KCNMA1: variants seen among roughly 807,000 people sequenced by gnomAD.
KCNMA1 encodes Calcium-activated potassium channel subunit alpha-1.
In KCNMA1, 29 loss-of-function variants were observed where a neutral mutation model predicts 140.0. The ratio of observed to expected loss-of-function variants is 0.21; its 90% confidence interval spans 0.15 to 0.28. The LOEUF (loss-of-function observed/expected upper bound fraction) is 0.28, where lower values mean the gene tolerates loss of function less well. Ranked by LOEUF, KCNMA1 falls within the 10% of genes least tolerant of loss-of-function variation. KCNMA1 has a pLI of 1.00. For missense variants in KCNMA1, 880 were observed against 1,602.2 expected (o/e 0.55, Z 7.70); for synonymous variants, 612 against 611.9 (o/e 1.00, Z 0.00).
chr10:76,970,111 C>A (rs1465086963), intron 19 of KCNMA1, 44 bp from the exon 20 acceptor site: 1 of 1,486,908 alleles, frequency 6.7e-7, no homozygotes, highest in East Asian at 2.3e-5. Flanking sequence ...AGTTTGAGGG[C>A]AGACTGTGCA....
chr10:77,395,237 C>A (rs898748969), intron 2 of KCNMA1, among the ~76,000 whole-genome samples: 2 of 151,994 alleles, frequency 1.3e-5, no homozygotes, highest in Non-Finnish European at 2.9e-5. Flanking sequence ...GTAATCCCAG[C>A]TATCAGGGAG....
intron 1 of KCNMA1, among the ~76,000 whole-genome samples, chr10:77,534,284 GAA>G (rs796343044): frequency 3.9e-5 from 6 of 152,156 alleles, no homozygotes; most frequent in African/African-American, 1.2e-4. Flanking sequence ...ATACCAAGTA[GAA>G]TGTAGTCATA....
At chr10:77,034,243 C>CAAAAAA (rs1187442257) in intron 15 of KCNMA1, among the ~76,000 whole-genome samples, 1 of 71,584 alleles carries the variant, frequency 1.4e-5, no homozygotes. Flanking sequence ...GACTCCATCT[C>CAAAAAA]AAAAAAAAAA....
chr10:77,383,147 TCC>T (rs1330175190), intron 2 of KCNMA1, among the ~76,000 whole-genome samples: 2 of 151,408 alleles, frequency 1.3e-5, no homozygotes, highest in Non-Finnish European at 2.9e-5. Context: ...GTCATTTCCA[TCC>T]CCCTCCCTCA....
At chr10:77,005,982 C>G (rs866109910) in intron 18 of KCNMA1, among the ~76,000 whole-genome samples, 1 of 152,190 alleles carries the variant, frequency 6.6e-6, no homozygotes, top group Non-Finnish European at 1.5e-5. Flanking sequence ...AGCTCAGTTA[C>G]TGCTCTTTCC....
chr10:77,251,750 G>A (rs539854793), intron 2 of KCNMA1, among the ~76,000 whole-genome samples: 1 of 152,258 alleles, frequency 6.6e-6, no homozygotes, highest in South Asian at 2.1e-4. Context: ...AATCTACTAA[G>A]TTATGCAATC....
chr10:77,481,661 G>A (rs1334116844), intron 1 of KCNMA1, among the ~76,000 whole-genome samples: 1 of 151,804 alleles, frequency 6.6e-6, no homozygotes, highest in African/African-American at 2.4e-5. Context: ...TGTAGTCCCA[G>A]CTACTTGGGA....
intron 25 of KCNMA1, among the ~76,000 whole-genome samples, chr10:76,894,095 T>C (rs1164459354): frequency 2.0e-5 from 3 of 152,126 alleles, no homozygotes; most frequent in South Asian, 2.1e-4. Context: ...TACAAGACTA[T>C]AGTAATCAAG....
At chr10:76,976,125 G>A (rs776452163) in intron 19 of KCNMA1, among the ~76,000 whole-genome samples, 1 of 152,124 alleles carries the variant, frequency 6.6e-6, no homozygotes, top group South Asian at 2.1e-4. Context: ...AAAATCTATC[G>A]TTATGCAGAA....
chr10:77,297,497 T>C (rs898836613), intron 2 of KCNMA1, among the ~76,000 whole-genome samples: 14 of 152,334 alleles, frequency 9.2e-5, no homozygotes, highest in Non-Finnish European at 5.9e-5. Context: ...ATGGTTGTCA[T>C]GCATGGTCCA....
At chr10:77,619,060 G>T (rs1319529457) in intron 1 of KCNMA1, among the ~76,000 whole-genome samples, 1 of 152,208 alleles carries the variant, frequency 6.6e-6, no homozygotes, top group Non-Finnish European at 1.5e-5. Flanking sequence ...GCAGGAGCTG[G>T]ACCTTGTGAA....
At chr10:77,310,287 G>A (rs2078934855) in intron 2 of KCNMA1, among the ~76,000 whole-genome samples, 2 of 152,080 alleles carry the variant, frequency 1.3e-5, no homozygotes, top group South Asian at 4.1e-4. Flanking sequence ...TGCCCCTGCT[G>A]CTGCAGTGCC....
chr10:77,561,960 T>C (rs1330375443), intron 1 of KCNMA1, among the ~76,000 whole-genome samples: 2 of 152,190 alleles, frequency 1.3e-5, no homozygotes, highest in Non-Finnish European at 2.9e-5. Flanking sequence ...TCTTGAGCCA[T>C]ATAGAATTCA....
chr10:77,102,935 A>G (rs760630774), intron 9 of KCNMA1, among the ~76,000 whole-genome samples: 6 of 152,154 alleles, frequency 3.9e-5, no homozygotes, highest in Middle Eastern at 3.2e-3. Flanking sequence ...TTGTTCGCCA[A>G]TGAACCCTGA....
chr10:77,141,409 G>A (rs551895472), intron 5 of KCNMA1, among the ~76,000 whole-genome samples: 8 of 152,312 alleles, frequency 5.3e-5, no homozygotes, highest in African/African-American at 1.9e-4. Flanking sequence ...ACAAGATCAT[G>A]AGGATAGGGC....
At position 77,198,276 on chromosome 10, in the gene KCNMA1, C is replaced by T. The variant is rs189509544; in HGVS notation, c.603-13360G>A. The stretch of plus-strand genomic sequence containing the variant: ...TCCTTAACACTTTGGTTACAGAGCT[C>T]ATGATGACTCTCAAGGCGTAATGTA... On this transcript the variant is annotated intron_variant, in intron 3 of 27. Transcript: ENST00000286628. Among the ~76,000 whole-genome samples the T allele has an allele frequency of 1.4e-3, 207 of 152,116 alleles. 1 individual carries two copies. Among genetic ancestry groups the T allele is most frequent in the Non-Finnish European group, 2.0e-3 (133 of 67,986 alleles).
At chr10:77,579,944 C>T (rs948507051) in intron 1 of KCNMA1, among the ~76,000 whole-genome samples, 2 of 152,206 alleles carry the variant, frequency 1.3e-5, no homozygotes, top group African/African-American at 2.4e-5. Context: ...GGATAACAGC[C>T]TCTCGTCCTA....
intron 5 of KCNMA1, among the ~76,000 whole-genome samples, chr10:77,133,119 A>T: frequency 6.7e-6 from 1 of 148,538 alleles, no homozygotes; most frequent in East Asian, 1.9e-4. Context: ...AAGGATATAA[A>T]TTCCATAGCC....
At chr10:77,354,169 T>C (rs1276688869) in intron 2 of KCNMA1, among the ~76,000 whole-genome samples, 2 of 152,190 alleles carry the variant, frequency 1.3e-5, no homozygotes, top group Non-Finnish European at 2.9e-5. Flanking sequence ...GTATTTTTAG[T>C]AGAGACAGGG....
Sources: gnomAD v4.1 joint callset for allele counts (sites outside exome capture counted in the v4.1 genomes callset) on GRCh38, gnomAD v4.1.1 for gene constraint, MANE v1.5 for transcripts, NCBI Gene and HGNC (gene_info 2026-07-23, HGNC 2026-07-21) for gene names.